Variants in SDHAF2 observed in about 807,000 individuals in gnomAD.
The protein encoded by SDHAF2 is succinate dehydrogenase assembly factor 2, mitochondrial.
A neutral mutation model predicts 18.5 loss-of-function variants in SDHAF2; 21 were observed. The observed-to-expected ratio is 1.13, with a 90% confidence interval of 0.80 to 1.63. The LOEUF is 1.63. SDHAF2 is among the 40% of genes most tolerant of loss of function. The probability of loss-of-function intolerance (pLI) is 0.00; values close to 1 mark genes in which losing one functional copy is unlikely to be tolerated. For synonymous variants in SDHAF2, 84 were observed against 70.7 expected, an observed-to-expected ratio of 1.19 and a Z score of -0.94; for missense variants, 195 against 200.3, an observed-to-expected ratio of 0.97 and a Z score of 0.16.
chr11:61,433,134 G>C (rs896443883), intron 1 of SDHAF2: 4 of 151,904 alleles, frequency 2.6e-5, no homozygotes, highest in African/African-American at 9.7e-5. Context: ...CATCTCCTGG[G>C]TTCAAGCGAT....
rs761956866 is a variant in SDHAF2 at position 61,437,624 on chromosome 11, G to C, written c.37-1G>C. 3.1e-6 allele frequency: 5 copies of C among 1,612,872 alleles called. No homozygotes were observed. Among genetic ancestry groups the C allele is most frequent in the Non-Finnish European group, 4.2e-6 (5 of 1,178,926 alleles). ...AGATGTTTGTGGTTTGTTCATTTCA[G>C]ATGCTTGCTCTGTCAAGGCACAGCC... On this transcript the variant is annotated splice_acceptor_variant, in intron 1 of 3. Transcript: ENST00000301761. LOFTEE classifies it high-confidence loss of function.
intron 3 of SDHAF2, among the ~76,000 whole-genome samples, chr11:61,441,875 C>T (rs571464618): frequency 1.5e-5 from 2 of 137,798 alleles, no homozygotes; most frequent in Non-Finnish European, 3.1e-5. Context: ...TTCCGCCCCC[C>T]ACCACTCCTC....
chr11:61,430,363 G>T (rs1861851551), intron 1 of SDHAF2, 181 bp downstream of exon 1: 2 of 720,370 alleles, frequency 2.8e-6, no homozygotes, highest in South Asian at 3.4e-5. Context: ...TCTTTGGTGA[G>T]CCTACTGTGT....
intron 1 of SDHAF2, chr11:61,434,595 T>TTTTTTTTTTTTTTTTTTTTTC (rs1441349588): frequency 7.0e-6 from 1 of 143,496 alleles, no homozygotes; most frequent in African/African-American, 3.0e-5. Context: ...TCATTCCTTT[T>TTTTTTTTTTTTTTTTTTTTTC]TTTTTTTTTT....
chr11:61,436,803 G>C (rs369078846), intron 1 of SDHAF2: 3 of 1,043,580 alleles, frequency 2.9e-6, no homozygotes. Flanking sequence ...GTCTCCATCG[G>C]GGAAGGAGGA....
rs775160119 is a variant in SDHAF2 at position 61,445,937 on chromosome 11, G to T, written c.371-4G>T. Reference sequence around the variant, plus strand: ...AATTTTTTCTGCCCACTCTTCTCTTGCAGAAGCTAAACCAGCCCCAGAAAT... The same window carrying T: ...AATTTTTTCTGCCCACTCTTCTCTTTCAGAAGCTAAACCAGCCCCAGAAAT... On this transcript the variant is annotated splice_region_variant and splice_polypyrimidine_tract_variant and intron_variant, in intron 3 of 3. Coordinates refer to ENST00000301761, the MANE Select transcript of SDHAF2 (RefSeq NM_017841.4). 9 of 1,614,076 alleles carry T rather than the reference G, an allele frequency of 5.6e-6. No individual in the cohort carries two copies. The African/African-American group carries it at 1.1e-4, about 19-fold the overall frequency.
At chr11:61,430,345 G>C (rs770070391) in intron 1 of SDHAF2, 163 bp downstream of exon 1, 1 of 823,988 alleles carries the variant, frequency 1.2e-6, no homozygotes, top group South Asian at 1.5e-5. Context: ...AATAAAGGTC[G>C]CTTCCATTCT....
In SDHAF2 at chr11:61,437,723, G is replaced by A. The variant is rs1590764800; in HGVS notation, c.135G>A (p.Lys45=). 1 of 1,614,186 alleles carries A rather than the reference G, an allele frequency of 6.2e-7. No homozygotes were observed. The highest frequency in any genetic ancestry group is 8.5e-7 in the Non-Finnish European group (1 of 1,180,030). ...GTGACAGCCCAACAGATTCCCAAAAGGACATGATTGAAATCCCTTTGCCTC... is the reference window on the plus strand; with the variant it reads ...GTGACAGCCCAACAGATTCCCAAAAAGACATGATTGAAATCCCTTTGCCTC... The part of the protein sequence containing the change: ...YRGDSPTDSQ[K]DMIEIPLPPW... Residue 45 remains lysine (K), a synonymous_variant, in exon 2 of 4, where the codon AAG becomes AAA. Transcript: ENST00000301761.
chr11:61,443,837 G>A (rs889597602), intron 3 of SDHAF2, among the ~76,000 whole-genome samples: 1 of 151,882 alleles, frequency 6.6e-6, no homozygotes, highest in Non-Finnish European at 1.5e-5. Context: ...GCAGTGGCGC[G>A]ATATCGGCTC....
intron 3 of SDHAF2, among the ~76,000 whole-genome samples, chr11:61,440,797 G>A (rs370806846): frequency 2.0e-5 from 3 of 152,072 alleles, no homozygotes; most frequent in Non-Finnish European, 4.4e-5. Flanking sequence ...GCAGGTAAAC[G>A]AATATGATTG....
chr11:61,441,986 C>T (rs536338359), intron 3 of SDHAF2, among the ~76,000 whole-genome samples: 15 of 151,516 alleles, frequency 9.9e-5, no homozygotes, highest in South Asian at 6.3e-4. Context: ...TGGGCTCAAG[C>T]GATCCTCCCA....
chr11:61,444,520 G>T (rs1338546904), intron 3 of SDHAF2: 1 of 152,092 alleles, frequency 6.6e-6, no homozygotes, highest in African/African-American at 2.4e-5. Flanking sequence ...GGATCACAAG[G>T]TCAGGAGACC....
intron 3 of SDHAF2, among the ~76,000 whole-genome samples, chr11:61,441,439 T>C (rs1862064076): frequency 6.7e-6 from 1 of 149,380 alleles, no homozygotes; most frequent in Non-Finnish European, 1.5e-5. Flanking sequence ...GAGAATCTCT[T>C]AAACCAGGGA....
intron 1 of SDHAF2, among the ~76,000 whole-genome samples, 177 bp from the exon 2 acceptor site, chr11:61,437,448 C>G (rs1184477689): frequency 6.6e-6 from 1 of 152,150 alleles, no homozygotes; most frequent in African/African-American, 2.4e-5. Flanking sequence ...TAATCATGCT[C>G]GCGTTGACCT....
intron 3 of SDHAF2, chr11:61,444,158 C>G (rs1386574495): frequency 6.6e-6 from 1 of 152,414 alleles, no homozygotes; most frequent in Non-Finnish European, 1.5e-5. Context: ...GGCCTGCAGT[C>G]CCAGCTGCCC....
chr11:61,441,648 C>T (rs571488561), intron 3 of SDHAF2, among the ~76,000 whole-genome samples: 2 of 152,004 alleles, frequency 1.3e-5, no homozygotes, highest in South Asian at 4.2e-4. Flanking sequence ...TCAGTGATTG[C>T]CAGGGTGTTG....
At chr11:61,443,035 G>A (rs940240344) in intron 3 of SDHAF2, among the ~76,000 whole-genome samples, 3 of 152,150 alleles carry the variant, frequency 2.0e-5, no homozygotes, top group Admixed American at 6.5e-5. Context: ...GATTACAGGC[G>A]TGAGCCACTG....
intron 1 of SDHAF2, among the ~76,000 whole-genome samples, chr11:61,436,397 T>G (rs376511380): frequency 1.3e-5 from 2 of 152,194 alleles, no homozygotes; most frequent in Non-Finnish European, 2.9e-5. Flanking sequence ...CTCCTGCTTG[T>G]TCTGCACTGA....
intron 3 of SDHAF2, among the ~76,000 whole-genome samples, chr11:61,442,563 G>T (rs185031173): frequency 1.3e-5 from 2 of 152,088 alleles, no homozygotes; most frequent in African/African-American, 2.4e-5. Context: ...GTAGGCATTT[G>T]ATATTTATCG....
Sources: gnomAD v4.1 joint callset for allele counts (sites outside exome capture counted in the v4.1 genomes callset) on GRCh38, gnomAD v4.1.1 for gene constraint, MANE v1.5 for transcripts, NCBI Gene and HGNC (gene_info 2026-07-23, HGNC 2026-07-21) for gene names.